ANTXR2: variants seen among roughly 807,000 people sequenced by gnomAD.
ANTXR2 encodes the protein ANTXR cell adhesion molecule 2.
A neutral mutation model predicts 73.7 loss-of-function variants in ANTXR2; 44 were observed. That is an observed-to-expected ratio of 0.60 (90% CI 0.47 to 0.77). The LOEUF is 0.77. ANTXR2 is among the 30% of genes least tolerant of loss of function. The probability of loss-of-function intolerance (pLI) is 0.00; values close to 1 mark genes in which losing one functional copy is unlikely to be tolerated. For synonymous variants in ANTXR2, 217 were observed against 205.9 expected, an observed-to-expected ratio of 1.05 and a Z score of -0.46; for missense variants, 604 against 592.5, an observed-to-expected ratio of 1.02 and a Z score of -0.20.
At chr4:79,909,004 TAAATAATTGAGGC>T (rs1727022341) in intron 16 of ANTXR2, among the ~76,000 whole-genome samples, 1 of 152,144 alleles carries the variant, frequency 6.6e-6, no homozygotes, top group African/African-American at 2.4e-5. Context: ...ACATCATACA[TAAATAATTGAGGC>T]AAAAAAAGTA....
Position 79,954,953 on chromosome 4 carries a change from T to C in ANTXR2, c.1428+22668A>G, listed in dbSNP as rs1456924008. On this transcript the variant is annotated intron_variant, in intron 16 of 16. Coordinates refer to ENST00000403729, the MANE Select transcript of ANTXR2 (RefSeq NM_058172.6). ...GGTCAAGTTGGAAAATCAATTTCAA[T>C]GTGACCCAATGGGAGAACAGTTCCA... is the stretch of plus-strand genomic sequence containing the variant. Among the ~76,000 whole-genome samples the C allele has an allele frequency of 3.3e-5, 5 of 152,206 alleles. No homozygotes were observed. The East Asian group carries it at 9.6e-4, about 29-fold the overall frequency.
At chr4:80,036,945 C>T (rs1560416053) in intron 7 of ANTXR2, among the ~76,000 whole-genome samples, 1 of 152,030 alleles carries the variant, frequency 6.6e-6, no homozygotes, top group Non-Finnish European at 1.5e-5. Flanking sequence ...TTATATGAGC[C>T]AATATTCTTT....
chr4:79,921,450 T>C (rs1044884221), intron 16 of ANTXR2, among the ~76,000 whole-genome samples: 1 of 152,038 alleles, frequency 6.6e-6, no homozygotes, highest in African/African-American at 2.4e-5. Flanking sequence ...ATATAGATTT[T>C]CATTAGCTGT....
chr4:80,009,379 A>ATATGTT (rs1353518469), intron 11 of ANTXR2, among the ~76,000 whole-genome samples: 1 of 152,218 alleles, frequency 6.6e-6, no homozygotes, highest in Non-Finnish European at 1.5e-5. Flanking sequence ...CTTTGATTAA[A>ATATGTT]CAACTCATAT....
At chr4:79,927,294 C>CACACACACACACA (rs1553926038) in intron 16 of ANTXR2, among the ~76,000 whole-genome samples, 11 of 150,216 alleles carry the variant, frequency 7.3e-5, no homozygotes, top group Admixed American at 3.3e-4. Context: ...GGAGCTCTTA[C>CACACACACACACA]CACACACACA....
In ANTXR2 at chr4:79,946,541, G is replaced by A. The variant is rs372455538; in HGVS notation, c.1428+31080C>T. Among the ~76,000 whole-genome samples, 69 of 152,184 alleles carry A rather than the reference G, an allele frequency of 4.5e-4. 1 individual carries two copies. The South Asian group carries it at 0.014, about 30-fold the overall frequency. ...AATCATTGAATATGGGCAGCCCCAGGCAGGGGCTGTAATCTTGGGTGGAGG... is the reference window on the plus strand; with the variant it reads ...AATCATTGAATATGGGCAGCCCCAGACAGGGGCTGTAATCTTGGGTGGAGG... On this transcript the variant is annotated intron_variant, in intron 16 of 16. Transcript: ENST00000403729.
Position 80,030,489 on chromosome 4 carries a change from A to G in ANTXR2, c.866+1134T>C, listed in dbSNP as rs1431693317. Among the ~76,000 whole-genome samples the G allele has an allele frequency of 2.0e-5, 3 of 152,170 alleles. No homozygotes were observed. In the East Asian group the frequency reaches 5.8e-4, roughly 29 times the overall value. ...TGACTTGCCTCAAATTCCAATGCCA[A>G]TTTAATTTAGCCACAGGCATGTTGT... On this transcript the variant is annotated intron_variant, in intron 10 of 16. Coordinates refer to ENST00000403729, the MANE Select transcript of ANTXR2 (RefSeq NM_058172.6).
intron 16 of ANTXR2, among the ~76,000 whole-genome samples, chr4:79,936,175 T>C (rs1302344852): frequency 6.6e-6 from 1 of 152,214 alleles, no homozygotes; most frequent in Non-Finnish European, 1.5e-5. Context: ...ACAATACCAC[T>C]TTTTAAAAGG....
chr4:80,012,386 A>G (rs1346842550), intron 11 of ANTXR2, among the ~76,000 whole-genome samples: 3 of 152,170 alleles, frequency 2.0e-5, no homozygotes, highest in Non-Finnish European at 4.4e-5. Flanking sequence ...AATCAAAAGA[A>G]GAATATGTTA....
intron 3 of ANTXR2, among the ~76,000 whole-genome samples, chr4:80,068,672 T>G (rs1276011327): frequency 1.3e-5 from 2 of 152,192 alleles, no homozygotes; most frequent in Non-Finnish European, 2.9e-5. Flanking sequence ...CTCGGGAGGC[T>G]GAAGCATGAG....
chr4:79,907,853 A>G (rs1371378859), intron 16 of ANTXR2, among the ~76,000 whole-genome samples: 1 of 152,198 alleles, frequency 6.6e-6, no homozygotes, highest in Non-Finnish European at 1.5e-5. Context: ...AAATGCATAC[A>G]TGAGGATCAC....
chr4:80,020,962 C>T (rs1578162084), intron 10 of ANTXR2, among the ~76,000 whole-genome samples: 1 of 151,784 alleles, frequency 6.6e-6, no homozygotes, highest in East Asian at 1.9e-4. Context: ...TCCTGGCTAA[C>T]ACGGTGAAAC....
rs192905651 is a variant in ANTXR2, at chr4:79,906,303, A to T, written c.*1126T>A. On this transcript the variant is annotated 3_prime_UTR_variant, in exon 17 of 17. Coordinates refer to ENST00000403729, the MANE Select transcript of ANTXR2 (RefSeq NM_058172.6). The stretch of plus-strand genomic sequence containing the variant: ...TAACCAAGGTAGAGTGCCCCTCAAA[A>T]TCCAAGTAATGCGCATACAGTAATA... The T allele has an allele frequency of 1.8e-3, 274 of 152,688 alleles. 4 individuals carry two copies. Among genetic ancestry groups the T allele is most frequent in the East Asian group, 9.7e-4 (5 of 5,180 alleles). The allele number at this position is 152,688 out of a possible 1,614,324, so 9.5% of individuals were successfully genotyped here.
intron 10 of ANTXR2, among the ~76,000 whole-genome samples, chr4:80,028,117 T>C (rs907801924): frequency 2.0e-5 from 3 of 152,120 alleles, no homozygotes; most frequent in African/African-American, 7.2e-5. Flanking sequence ...TTCTTTCTGT[T>C]TAAATAATAA....
chr4:80,030,333 G>A (rs910745521), intron 10 of ANTXR2, among the ~76,000 whole-genome samples: 1 of 151,988 alleles, frequency 6.6e-6, no homozygotes, highest in Non-Finnish European at 1.5e-5. Context: ...GGACCAACCT[G>A]GAATTACAGA....
At position 79,904,343 on chromosome 4, in the gene ANTXR2, T is replaced by C. The variant is rs929013889; in HGVS notation, c.*3086A>G. On this transcript the variant is annotated 3_prime_UTR_variant, in exon 17 of 17. Transcript: ENST00000403729. ...AATACATGGGGGTTTAAACCTTCTATATTTTTGTCAAAATAGTAATTAACC... is the reference window on the plus strand; with the variant it reads ...AATACATGGGGGTTTAAACCTTCTACATTTTTGTCAAAATAGTAATTAACC... The C allele has an allele frequency of 6.6e-6, 1 of 152,176 alleles. No homozygotes were observed. Among genetic ancestry groups the C allele is most frequent in the Non-Finnish European group, 1.5e-5 (1 of 68,016 alleles). The allele number at this position is 152,176 out of a possible 1,614,324, so 9.4% of individuals were successfully genotyped here.
chr4:79,962,494 C>T (rs139558204), intron 16 of ANTXR2, among the ~76,000 whole-genome samples: 5 of 152,016 alleles, frequency 3.3e-5, no homozygotes, highest in African/African-American at 7.2e-5. Context: ...ATATAAAGAG[C>T]GGAAAAGACT....
At chr4:80,027,750 GTTC>G (rs1732507840) in intron 10 of ANTXR2, among the ~76,000 whole-genome samples, 1 of 152,054 alleles carries the variant, frequency 6.6e-6, no homozygotes, top group African/African-American at 2.4e-5. Context: ...AATTTGCTCT[GTTC>G]TTCTTGCCAA....
At chr4:80,003,266 A>G (rs1267644714) in intron 12 of ANTXR2, among the ~76,000 whole-genome samples, 1 of 151,760 alleles carries the variant, frequency 6.6e-6, no homozygotes, top group Non-Finnish European at 1.5e-5. Flanking sequence ...TTGTAGGGAC[A>G]TGGATGAAAT....
Sources: gnomAD v4.1 joint callset for allele counts (sites outside exome capture counted in the v4.1 genomes callset) on GRCh38, gnomAD v4.1.1 for gene constraint, MANE v1.5 for transcripts, NCBI Gene and HGNC (gene_info 2026-07-23, HGNC 2026-07-21) for gene names.